CHRM5: variants seen among roughly 807,000 people sequenced by gnomAD.
The protein encoded by CHRM5 is muscarinic acetylcholine receptor M5.
CHRM5 carries 18 observed loss-of-function variants against 39.0 expected under a neutral mutation model. The observed-to-expected ratio is 0.46, with a 90% confidence interval of 0.32 to 0.68. CHRM5 has a LOEUF of 0.68. Ranked by LOEUF, CHRM5 falls within the 30% of genes least tolerant of loss-of-function variation. The pLI, the probability that CHRM5 is intolerant of heterozygous loss-of-function variation, is 0.04. For synonymous variants in CHRM5, 241 were observed against 246.3 expected (o/e 0.98, Z 0.20); for missense variants, 515 against 651.1 (o/e 0.79, Z 2.28).
In CHRM5 at chr15:34,063,424, T is replaced by C; in HGVS notation, c.707T>C (p.Val236Ala). 6.2e-7 allele frequency: 1 copy of C among 1,613,956 alleles called. No homozygotes were observed. The highest frequency in any genetic ancestry group is 8.5e-7 in the Non-Finnish European group (1 of 1,180,024). The change falls in exon 3 of 3, where the codon GTG becomes GCG. Residue 236 changes from valine to alanine, a missense_variant. Coordinates refer to ENST00000383263, the MANE Select transcript of CHRM5 (RefSeq NM_012125.4). This position sits in a 1 kb window ranked among gnomAD's most constrained non-coding sequence, Gnocchi z 4.1. ...DLADLQGSDS[V>A]TKAEKRKPAH... ...GCTGACCTCCAGGGTTCTGACTCTG[T>C]GACCAAAGCTGAGAAGAGAAAGCCA...
At chr15:33,992,404 A>C (rs1036531326) in intron 1 of CHRM5, among the ~76,000 whole-genome samples, 2 of 152,132 alleles carry the variant, frequency 1.3e-5, no homozygotes, top group Admixed American at 1.3e-4. Context: ...AAAAAGAAAA[A>C]AGAAAATCAA....
At chr15:34,018,611 G>C (rs767283566) in intron 1 of CHRM5, 1 of 152,264 alleles carries the variant, frequency 6.6e-6, no homozygotes, top group African/African-American at 2.4e-5. Context: ...CCCAAAGAGT[G>C]TGCAGCAGCA....
chr15:34,019,723 A>G (rs1259621925), intron 1 of CHRM5, among the ~76,000 whole-genome samples: 1 of 152,240 alleles, frequency 6.6e-6, no homozygotes, highest in Non-Finnish European at 1.5e-5. Flanking sequence ...AACATGCTGT[A>G]CAGGTTTGTA....
chr15:34,033,998 G>A (rs1438808639), intron 1 of CHRM5, among the ~76,000 whole-genome samples: 1 of 152,138 alleles, frequency 6.6e-6, no homozygotes, highest in Non-Finnish European at 1.5e-5. Context: ...TTTTGGCCAG[G>A]ATGGTCTCAA....
intron 1 of CHRM5, among the ~76,000 whole-genome samples, chr15:33,999,595 T>C (rs940856507): frequency 1.3e-5 from 2 of 152,184 alleles, no homozygotes; most frequent in African/African-American, 4.8e-5. Flanking sequence ...ACGTATCTTT[T>C]TCTCTCATAC....
rs1355911931 is a variant in CHRM5, at chr15:33,999,004, C to CTA, written c.-408+29855_-408+29856insAT. 1.2e-4 allele frequency among the ~76,000 whole-genome samples: 18 copies of CTA among 152,344 alleles called. No individual in the cohort carries two copies. The East Asian group carries it at 2.3e-3, about 20-fold the overall frequency. On this transcript the variant is annotated intron_variant, in intron 1 of 2. Transcript: ENST00000383263. ...CCACATTCCTCTATCCAGCAGCCTG[C>CTA]TCCATGTCGCCTATTAGATGTTGTG...
intron 1 of CHRM5, among the ~76,000 whole-genome samples, chr15:34,001,003 GCTAGGTTGGA>G (rs1897115781): frequency 6.6e-6 from 1 of 151,138 alleles, no homozygotes; most frequent in African/African-American, 2.5e-5. Context: ...GGACAGGCCT[GCTAGGTTGGA>G]CTAGAATTTT....
chr15:33,982,146 C>T (rs139124861), intron 1 of CHRM5, among the ~76,000 whole-genome samples: 14,084 of 151,998 alleles, frequency 0.093, 789 homozygotes, highest in South Asian at 0.24. Context: ...GGATTACAGG[C>T]ATGAACCACC....
At chr15:34,033,092 T>C (rs1745129748) in intron 1 of CHRM5, among the ~76,000 whole-genome samples, 1 of 152,126 alleles carries the variant, frequency 6.6e-6, no homozygotes, top group Non-Finnish European at 1.5e-5. Context: ...AATCAAAAAT[T>C]AGGAAAAGAA....
At chr15:34,013,670 T>C (rs1238820665) in intron 1 of CHRM5, among the ~76,000 whole-genome samples, 1 of 152,068 alleles carries the variant, frequency 6.6e-6, no homozygotes, top group Non-Finnish European at 1.5e-5. Context: ...TAAACATATA[T>C]AGTGTGATAT....
intron 2 of CHRM5, among the ~76,000 whole-genome samples, chr15:34,049,755 A>G (rs1899864998): frequency 6.6e-6 from 1 of 152,132 alleles, no homozygotes; most frequent in African/African-American, 2.4e-5. Context: ...CGTTGAAATG[A>G]AAGAAAAAAT....
intron 1 of CHRM5, among the ~76,000 whole-genome samples, chr15:34,036,949 A>T (rs1408131186): frequency 6.6e-6 from 1 of 152,078 alleles, no homozygotes; most frequent in East Asian, 1.9e-4. Flanking sequence ...ATCTCTATTA[A>T]AAATACAAAA....
rs114793633 is a variant in CHRM5, at chr15:34,049,255, C to T, written c.-76+2384C>T. On this transcript the variant is annotated intron_variant, in intron 2 of 2. Transcript: ENST00000383263. The stretch of plus-strand genomic sequence containing the variant: ...TCTGAAAGTGGGTAATAACAAACTT[C>T]ACTGAGCTAAAGGACCATGTTGTAA... 5.9e-3 allele frequency among the ~76,000 whole-genome samples: 894 copies of T among 152,292 alleles called. 12 individuals are homozygous for T. Among genetic ancestry groups the T allele is most frequent in the African/African-American group, 0.021 (867 of 41,560 alleles).
chr15:34,003,994 T>A (rs1021374987), intron 1 of CHRM5, among the ~76,000 whole-genome samples: 30 of 152,334 alleles, frequency 2.0e-4, no homozygotes, highest in African/African-American at 7.2e-4. Context: ...TTGCCCTTGA[T>A]AGCCTTCTGT....
intron 2 of CHRM5, among the ~76,000 whole-genome samples, chr15:34,053,950 A>G (rs1193366160): frequency 6.6e-6 from 1 of 152,206 alleles, no homozygotes; most frequent in Non-Finnish European, 1.5e-5. Context: ...GCTAATATCC[A>G]GAATCTACAA....
intron 1 of CHRM5, among the ~76,000 whole-genome samples, chr15:34,046,255 C>T (rs1899675697): frequency 6.6e-6 from 1 of 151,654 alleles, no homozygotes; most frequent in Admixed American, 6.6e-5. Context: ...AGCCGTGGAA[C>T]CTACCTTATG....
intron 1 of CHRM5, among the ~76,000 whole-genome samples, chr15:34,001,955 A>G (rs913005387): frequency 6.6e-6 from 1 of 152,202 alleles, no homozygotes; most frequent in East Asian, 1.9e-4. Context: ...TGCTTCTCAC[A>G]TCTGCATCCT....
chr15:33,999,053 G>T (rs1313514870), intron 1 of CHRM5, among the ~76,000 whole-genome samples: 1 of 152,206 alleles, frequency 6.6e-6, no homozygotes, highest in Non-Finnish European at 1.5e-5. Flanking sequence ...ATGTGCCAAT[G>T]CAGATTTATC....
chr15:34,031,168 A>ATTTTTTTTTTTTTTTTTTTTTTT, intron 1 of CHRM5, among the ~76,000 whole-genome samples: 1 of 67,590 alleles, frequency 1.5e-5, no homozygotes. Flanking sequence ...GCTTAGGTTA[A>ATTTTTTTTTTTTTTTTTTTTTTT]TTTTTTTTTT....
Sources: gnomAD v4.1 joint callset for allele counts (sites outside exome capture counted in the v4.1 genomes callset) on GRCh38, gnomAD v4.1.1 for gene constraint, Gnocchi (gnomAD v3.1) non-coding constraint, MANE v1.5 for transcripts, NCBI Gene and HGNC (gene_info 2026-07-23, HGNC 2026-07-21) for gene names.